Variants in CACNG2 observed in about 807,000 individuals in gnomAD.
CACNG2 encodes calcium voltage-gated channel auxiliary subunit gamma 2.
Under a neutral mutation model 25.9 loss-of-function variants are expected in CACNG2, and 3 were observed. The observed-to-expected ratio is 0.12, with a 90% CI of 0.05 to 0.30. CACNG2 has a LOEUF of 0.30. Among genes scored for constraint, CACNG2 ranks in the 10% least tolerant of loss-of-function variants. The pLI is 1.00. For missense variants in CACNG2, 341 were observed against 432.5 expected, an observed-to-expected ratio of 0.79 and a Z score of 1.88; for synonymous variants, 167 against 173.3, an observed-to-expected ratio of 0.96 and a Z score of 0.29.
chr22:36,581,418 TC>T (rs1220130210), intron 2 of CACNG2, among the ~76,000 whole-genome samples: 1 of 152,174 alleles, frequency 6.6e-6, no homozygotes, highest in East Asian at 1.9e-4. Context: ...TGCCAAGCCC[TC>T]CAAGAGGCTG....
intron 1 of CACNG2, among the ~76,000 whole-genome samples, chr22:36,611,041 T>C (rs73415608): frequency 6.6e-6 from 1 of 152,300 alleles, no homozygotes; most frequent in African/African-American, 2.4e-5. Context: ...TGAAGATAAA[T>C]GTTTAATAAA....
chr22:36,567,976 A>G lies in CACNG2; in HGVS notation c.296-1483T>C, dbSNP rs113708018. The stretch of plus-strand genomic sequence containing the variant: ...GTGATTCTCCTGCCTCAGCCTCCCA[A>G]GTAGCTGGGACTACAGGCGTGTACC... On this transcript the variant is annotated intron_variant, in intron 2 of 3. Coordinates refer to ENST00000300105, the MANE Select transcript of CACNG2 (RefSeq NM_006078.5). Among the ~76,000 whole-genome samples, 745 of 152,182 alleles carry G rather than the reference A, an allele frequency of 4.9e-3. 6 individuals are homozygous for G. The highest frequency in any genetic ancestry group is 0.017 in the African/African-American group (720 of 41,504).
chr22:36,583,259 C>T (rs996320480), intron 2 of CACNG2, among the ~76,000 whole-genome samples: 8 of 151,978 alleles, frequency 5.3e-5, no homozygotes, highest in African/African-American at 1.9e-4. Flanking sequence ...ATGGCAAAAT[C>T]CCGTCTCTAC....
At chr22:36,588,594 G>A (rs1032337665) in intron 1 of CACNG2, among the ~76,000 whole-genome samples, 5 of 152,218 alleles carry the variant, frequency 3.3e-5, no homozygotes, top group African/African-American at 4.8e-5. Context: ...ATGCTGGGGC[G>A]TATGCACAGT....
chr22:36,641,264 G>A (rs971777203), intron 1 of CACNG2, among the ~76,000 whole-genome samples: 14 of 152,326 alleles, frequency 9.2e-5, no homozygotes, highest in African/African-American at 3.1e-4. Context: ...CCCACGAGGG[G>A]AAGGTCTTTA....
At chr22:36,610,814 T>C (rs1479201236) in intron 1 of CACNG2, among the ~76,000 whole-genome samples, 1 of 152,160 alleles carries the variant, frequency 6.6e-6, no homozygotes, top group East Asian at 1.9e-4. Flanking sequence ...TTGTTGCATA[T>C]GTGTGGGAGA....
chr22:36,627,868 T>G (rs921574590), intron 1 of CACNG2, among the ~76,000 whole-genome samples: 1 of 151,956 alleles, frequency 6.6e-6, no homozygotes, highest in African/African-American at 2.4e-5. Flanking sequence ...TTTGGTTTTA[T>G]TTTATCTAGG....
At chr22:36,645,603 G>C (rs1357369747) in intron 1 of CACNG2, among the ~76,000 whole-genome samples, 2 of 149,330 alleles carry the variant, frequency 1.3e-5, no homozygotes, top group African/African-American at 2.5e-5. Context: ...ACATGTGCTT[G>C]TAATTGTTTT....
chr22:36,667,368 G>T (rs116115369), intron 1 of CACNG2, among the ~76,000 whole-genome samples: 143 of 152,232 alleles, frequency 9.4e-4, no homozygotes, highest in Middle Eastern at 3.4e-3. Context: ...CTGGGTTTTG[G>T]CCCTAACCCC....
intron 2 of CACNG2, among the ~76,000 whole-genome samples, chr22:36,581,085 A>G (rs942933714): frequency 6.6e-6 from 1 of 152,112 alleles, no homozygotes; most frequent in African/African-American, 2.4e-5. Context: ...CACGCTCCTT[A>G]ATCTTTGGTT....
intron 1 of CACNG2, among the ~76,000 whole-genome samples, chr22:36,592,368 AT>A (rs1221579729): frequency 2.6e-5 from 4 of 151,902 alleles, no homozygotes; most frequent in African/African-American, 9.7e-5. Context: ...AGAGAGTGGG[AT>A]GCAAAAGACA....
intron 1 of CACNG2, among the ~76,000 whole-genome samples, chr22:36,699,542 G>C (rs1048141067): frequency 8.6e-5 from 13 of 151,494 alleles, no homozygotes; most frequent in African/African-American, 3.2e-4. Context: ...AGGAAGACAG[G>C]GTTGTTTTTC....
At chr22:36,674,120 T>C (rs2145995436) in intron 1 of CACNG2, among the ~76,000 whole-genome samples, 1 of 152,304 alleles carries the variant, frequency 6.6e-6, no homozygotes, top group East Asian at 1.9e-4. Context: ...GCCCCCACCC[T>C]GCTGAAGGCT....
intron 1 of CACNG2, among the ~76,000 whole-genome samples, chr22:36,688,839 A>G (rs1937234955): frequency 6.6e-6 from 1 of 152,058 alleles, no homozygotes; most frequent in South Asian, 2.1e-4. Context: ...CTCAGCCCCC[A>G]CCTGGAGCCC....
In CACNG2 at chr22:36,661,966, CTTTTTTTTTTTTTTTT is replaced by C. The variant is rs71193254; in HGVS notation, c.211+40384_211+40399del. 5.1e-3 allele frequency among the ~76,000 whole-genome samples: 227 copies of C among 44,596 alleles called. 1 individual carries two copies. Among genetic ancestry groups the C allele is most frequent in the Middle Eastern group, 0.071 (2 of 28 alleles). The allele number at this position is 44,596 out of a possible 152,430, so 29.3% of individuals were successfully genotyped here. A position where few individuals can be genotyped will look rare whatever the true frequency, so the allele number is the denominator to read the frequency against. On this transcript the variant is annotated intron_variant, in intron 1 of 3. Transcript: ENST00000300105. ...TGCTTCCTATGGACTCATTGCTATT[CTTTTTTTTTTTTTTTT>C]TTTTTTTTTTTTTTTCAGACGGAGT... is the stretch of plus-strand genomic sequence containing the variant.
At chr22:36,672,435 C>T (rs550201693) in intron 1 of CACNG2, among the ~76,000 whole-genome samples, 15 of 152,132 alleles carry the variant, frequency 9.9e-5, no homozygotes, top group South Asian at 2.1e-4. Flanking sequence ...GGATTACAGG[C>T]GTGAGCCACT....
chr22:36,571,539 G>C (rs896721675), intron 2 of CACNG2, among the ~76,000 whole-genome samples: 6 of 151,766 alleles, frequency 4.0e-5, no homozygotes, highest in Admixed American at 3.9e-4. Flanking sequence ...GATCCCCAGA[G>C]CAAGATTTGC....
intron 1 of CACNG2, among the ~76,000 whole-genome samples, chr22:36,691,389 T>A (rs1308627174): frequency 6.6e-6 from 1 of 152,164 alleles, no homozygotes; most frequent in Non-Finnish European, 1.5e-5. Context: ...TTGAGGGAAC[T>A]TCTGTTTTCA....
Position 36,629,765 on chromosome 22 carries a change from C to T in CACNG2, c.212-42217G>A, listed in dbSNP as rs1380653634. ...TCCAGGCACAAGTTCCCAAGTTTCCCAAGGACGCAGTGAAGAAGACAGAGA... is the reference window on the plus strand; with the variant it reads ...TCCAGGCACAAGTTCCCAAGTTTCCTAAGGACGCAGTGAAGAAGACAGAGA... On this transcript the variant is annotated intron_variant, in intron 1 of 3. Transcript: ENST00000300105. 2.6e-5 allele frequency among the ~76,000 whole-genome samples: 4 copies of T among 152,246 alleles called. No individual in the cohort carries two copies. The South Asian group carries it at 6.2e-4, about 24-fold the overall frequency.
Sources: gnomAD v4.1 joint callset for allele counts (sites outside exome capture counted in the v4.1 genomes callset) on GRCh38, gnomAD v4.1.1 for gene constraint, MANE v1.5 for transcripts, NCBI Gene and HGNC (gene_info 2026-07-23, HGNC 2026-07-21) for gene names.